PADI6: variants seen among roughly 807,000 people sequenced by gnomAD.
PADI6 encodes peptidyl arginine deiminase 6.
A neutral mutation model predicts 78.2 loss-of-function variants in PADI6; 66 were observed. That is an observed-to-expected ratio of 0.84 (90% CI 0.69 to 1.04). PADI6 has a LOEUF of 1.04. Among genes scored for constraint, PADI6 ranks in the 50% least tolerant of loss-of-function variants. The probability of loss-of-function intolerance (pLI) is 0.00; values close to 1 mark genes in which losing one functional copy is unlikely to be tolerated. For synonymous variants in PADI6, 397 were observed against 346.9 expected, an observed-to-expected ratio of 1.14 and a Z score of -1.60; for missense variants, 854 against 866.1, an observed-to-expected ratio of 0.99 and a Z score of 0.18.
chr1:17,375,014 G>A (rs2075001635), intron 2 of PADI6, among the ~76,000 whole-genome samples: 1 of 152,138 alleles, frequency 6.6e-6, no homozygotes, highest in Admixed American at 6.5e-5. Context: ...TTTCCCCACC[G>A]TGCACCTTAT....
chr1:17,381,598 TGCG>T (rs1200431603), intron 5 of PADI6, among the ~76,000 whole-genome samples: 2 of 152,154 alleles, frequency 1.3e-5, no homozygotes, highest in Non-Finnish European at 2.9e-5. Context: ...GATCCTGACT[TGCG>T]GTTGGGACCA....
chr1:17,395,201 T>TTTTTTTTTTTG, intron 12 of PADI6, 94 bp downstream of exon 12: 1 of 428,242 alleles, frequency 2.3e-6, no homozygotes, highest in Non-Finnish European at 3.1e-6. Context: ...TTTTTCTTGT[T>TTTTTTTTTTTG]TTTTTTTTTT....
At position 17,398,771 on chromosome 1, in the gene PADI6, G is replaced by T. The variant is rs1392367015; in HGVS notation, c.1775G>T (p.Cys592Phe). 1 of 1,611,238 alleles carries T rather than the reference G, an allele frequency of 6.2e-7. No homozygotes were observed. ...QDIIEIPQLF[C>F]LEKLTNIPSD... ...ATCATCGAGATTCCCCAGCTGTTCT[G>T]CTTGGAGAAGCTGACTAACATCCCC... The change falls in exon 15 of 16, where the codon TGC becomes TTC. Residue 592 changes from cysteine to phenylalanine, a missense_variant. Physicochemically the swap from Cys to Phe is radical, Grantham distance 205 (BLOSUM62 -2). Coordinates refer to ENST00000619609, the MANE Select transcript of PADI6 (RefSeq NM_207421.4).
intron 6 of PADI6, among the ~76,000 whole-genome samples, chr1:17,382,353 C>T (rs1319433262): frequency 6.6e-6 from 1 of 152,220 alleles, no homozygotes; most frequent in East Asian, 1.9e-4. Flanking sequence ...GCTGTGCCTT[C>T]CCTGCAGGCT....
chr1:17,372,288 A>ATCCACCT lies in PADI6; in HGVS notation c.44_50dup (p.Ser18ProfsTer52). On this transcript the variant is annotated frameshift_variant, in exon 1 of 16. Transcript: ENST00000619609. LOFTEE classifies it high-confidence loss of function. Reference sequence around the variant, plus strand: ...CCGAGCCATGTCCTTCCAGAGTATCATCCACCTGTCCCTGGACAGCCCTGT... The same window carrying ATCCACCT: ...CCGAGCCATGTCCTTCCAGAGTATCATCCACCTTCCACCTGTCCCTGGACAGCCCTGT... 6.2e-7 allele frequency: 1 copy of ATCCACCT among 1,613,934 alleles called. No individual in the cohort carries two copies. Among genetic ancestry groups the ATCCACCT allele is most frequent in the Non-Finnish European group, 8.5e-7 (1 of 1,179,872 alleles).
chr1:17,396,422 C>CT (rs929140451), intron 13 of PADI6, among the ~76,000 whole-genome samples: 24 of 152,220 alleles, frequency 1.6e-4, no homozygotes, highest in Admixed American at 2.6e-4. Flanking sequence ...CAGAAAGGGG[C>CT]TGGGGGTATT....
chr1:17,401,655 T>A lies in PADI6; in HGVS notation c.*217T>A. 1.8e-6 allele frequency: 1 copy of A among 566,510 alleles called. No individual in the cohort carries two copies. Among genetic ancestry groups the A allele is most frequent in the Non-Finnish European group, 3.1e-6 (1 of 318,298 alleles). The allele number at this position is 566,510 out of a possible 1,614,324, so 35.1% of individuals were successfully genotyped here. A position where few individuals can be genotyped will look rare whatever the true frequency, so the allele number is the denominator to read the frequency against. ...AAAGATGCAAAAGTGTTCAGCCAAG[T>A]GACGTTTACTAAATAGCCAATAAAG... is the stretch of plus-strand genomic sequence containing the variant. On this transcript the variant is annotated 3_prime_UTR_variant, in exon 16 of 16. Transcript: ENST00000619609.
intron 6 of PADI6, among the ~76,000 whole-genome samples, chr1:17,387,524 C>T (rs571129624): frequency 1.3e-5 from 2 of 152,002 alleles, no homozygotes; most frequent in South Asian, 2.1e-4. Context: ...CCGAGGTAGG[C>T]AGATCACGAG....
intron 14 of PADI6, among the ~76,000 whole-genome samples, chr1:17,398,355 G>A (rs1316766673): frequency 2.6e-5 from 4 of 152,128 alleles, no homozygotes; most frequent in African/African-American, 9.7e-5. Flanking sequence ...GGTGTGTTGG[G>A]TTATGTCTGA....
rs1430889916 is a variant in PADI6 at position 17,373,090 on chromosome 1, C to G, written c.151C>G (p.His51Asp). ...APQKCQCFTIHGSGRVLIDVA... is the reference protein window; with the variant it reads ...APQKCQCFTIDGSGRVLIDVA... ...CCAGAAGTGCCAGTGCTTCACCATC[C>G]ATGGCTCTGGGAGGGTCTTGATCGA... The change falls in exon 2 of 16, where the codon CAT becomes GAT. Residue 51 changes from histidine to aspartate, a missense_variant. Transcript: ENST00000619609. 5 of 1,613,994 alleles carry G rather than the reference C, an allele frequency of 3.1e-6. No homozygotes were observed. Among genetic ancestry groups the G allele is most frequent in the Non-Finnish European group, 3.4e-6 (4 of 1,179,860 alleles).
chr1:17,398,033 A>G (rs977153608), intron 14 of PADI6, among the ~76,000 whole-genome samples: 9 of 152,222 alleles, frequency 5.9e-5, no homozygotes, highest in African/African-American at 1.7e-4. Flanking sequence ...ATCATTGGCT[A>G]TAAGAAGCAG....
intron 12 of PADI6, 56 bp from the exon 13 acceptor site, chr1:17,395,484 T>C: frequency 6.5e-7 from 1 of 1,535,174 alleles, no homozygotes; most frequent in Non-Finnish European, 8.8e-7. Context: ...ATTACAGATA[T>C]GAGCCACCAT....
chr1:17,389,730 A>G (rs2075162730), intron 8 of PADI6, among the ~76,000 whole-genome samples: 1 of 152,188 alleles, frequency 6.6e-6, no homozygotes, highest in South Asian at 2.1e-4. Flanking sequence ...CTGCATGATC[A>G]CTCTGGCCAC....
intron 8 of PADI6, among the ~76,000 whole-genome samples, chr1:17,389,805 G>T (rs536782234): frequency 9.2e-5 from 14 of 152,350 alleles, no homozygotes; most frequent in Non-Finnish European, 1.9e-4. Context: ...TCAAGCCAGG[G>T]TGGCAGGAGC....
intron 6 of PADI6, among the ~76,000 whole-genome samples, chr1:17,384,121 T>A (rs2075098285): frequency 6.6e-6 from 1 of 150,562 alleles, no homozygotes; most frequent in Non-Finnish European, 1.5e-5. Flanking sequence ...CCAGCCTAGG[T>A]GACAGAGTGG....
Position 17,388,428 on chromosome 1 carries a change from G to C in PADI6, c.727G>C (p.Ala243Pro), listed in dbSNP as rs368705075. ...FELVLGPDQH[A>P]YTLALLGNHL... The stretch of plus-strand genomic sequence containing the variant: ...GTTGGTGCTGGGGCCCGACCAGCAC[G>C]CCTATACCTTGGCCCTCCTCGGGAA... The change falls in exon 7 of 16, where the codon GCC becomes CCC. Residue 243 changes from alanine (A) to proline (P), a missense_variant. Transcript: ENST00000619609. The C allele has an allele frequency of 2.5e-6, 4 of 1,613,734 alleles. No individual in the cohort carries two copies. In the South Asian group the frequency reaches 4.4e-5, roughly 18 times the overall value.
intron 6 of PADI6, among the ~76,000 whole-genome samples, chr1:17,385,959 A>T (rs771843521): frequency 2.6e-5 from 4 of 152,138 alleles, no homozygotes; most frequent in Non-Finnish European, 4.4e-5. Flanking sequence ...GGAAGAATAA[A>T]CCATGTTACC....
intron 7 of PADI6, 94 bp downstream of exon 7, chr1:17,388,653 G>C (rs1028628193): frequency 6.8e-7 from 1 of 1,464,238 alleles, no homozygotes; most frequent in East Asian, 2.4e-5. Flanking sequence ...GGTTTGCTGG[G>C]GGAGAGCTGC....
At chr1:17,373,856 C>T (rs752868479) in intron 2 of PADI6, among the ~76,000 whole-genome samples, 5 of 152,152 alleles carry the variant, frequency 3.3e-5, no homozygotes, top group Non-Finnish European at 7.3e-5. Context: ...AAGTAGCCTA[C>T]CTAGAGTGGG....
Sources: gnomAD v4.1 joint callset for allele counts (sites outside exome capture counted in the v4.1 genomes callset) on GRCh38, gnomAD v4.1.1 for gene constraint, MANE v1.5 for transcripts, NCBI Gene and HGNC (gene_info 2026-07-23, HGNC 2026-07-21) for gene names.